POU3F3: variants seen among roughly 807,000 people sequenced by gnomAD.
POU3F3 encodes the protein POU domain, class 3, transcription factor 3.
A neutral mutation model predicts 8.6 loss-of-function variants in POU3F3; 1 was observed. The observed-to-expected ratio is 0.12, with a 90% CI of 0.04 to 0.55. The LOEUF is 0.55. POU3F3 is among the 20% of genes least tolerant of loss of function. The probability of loss-of-function intolerance (pLI) is 0.91; values close to 1 mark genes in which losing one functional copy is unlikely to be tolerated. For synonymous variants in POU3F3, 418 were observed against 327.4 expected (o/e 1.28, Z -2.99); for missense variants, 577 against 690.7 (o/e 0.84, Z 1.84).
the POU3F3 span, among the ~76,000 whole-genome samples, chr2:104,896,350 G>T: frequency 6.6e-6 from 1 of 152,158 alleles, no homozygotes; most frequent in African/African-American, 2.4e-5. Context: ...TCCAAAGGAC[G>T]TGGACTTGAG....
At chr2:104,883,500 A>G in the POU3F3 span, among the ~76,000 whole-genome samples, 1 of 152,156 alleles carries the variant, frequency 6.6e-6, no homozygotes, top group Non-Finnish European at 1.5e-5. Flanking sequence ...TCTGTGCACA[A>G]TGTGCTATCA....
chr2:104,902,084 C>G, the POU3F3 span, among the ~76,000 whole-genome samples: 1 of 152,094 alleles, frequency 6.6e-6, no homozygotes, highest in Admixed American at 6.6e-5. Flanking sequence ...CCCTCTTTCT[C>G]TCCTCCAACC....
chr2:104,894,307 T>C, the POU3F3 span, among the ~76,000 whole-genome samples: 6 of 152,244 alleles, frequency 3.9e-5, no homozygotes, highest in African/African-American at 1.2e-4. Context: ...TTTAATCTAA[T>C]AGTCTGACTT....
the POU3F3 span, among the ~76,000 whole-genome samples, chr2:104,896,022 C>A: frequency 6.6e-6 from 1 of 152,172 alleles, no homozygotes; most frequent in Non-Finnish European, 1.5e-5. Context: ...CACACAAGGG[C>A]TCGGTAGCTG....
the POU3F3 span, among the ~76,000 whole-genome samples, chr2:104,888,202 G>A: frequency 6.6e-6 from 1 of 152,202 alleles, no homozygotes; most frequent in Non-Finnish European, 1.5e-5. Context: ...GTGCGAAATG[G>A]ACATATTTTT....
chr2:104,920,304 C>T, the POU3F3 span, among the ~76,000 whole-genome samples: 13 of 152,302 alleles, frequency 8.5e-5, no homozygotes, highest in South Asian at 4.1e-4. Flanking sequence ...CGTGAGCCAC[C>T]GTGCCCAGCC....
the POU3F3 span, among the ~76,000 whole-genome samples, chr2:104,910,017 C>T: frequency 6.6e-6 from 1 of 152,104 alleles, no homozygotes; most frequent in Non-Finnish European, 1.5e-5. Flanking sequence ...AAAAAACGTC[C>T]AACCAAGCAC....
the POU3F3 span, among the ~76,000 whole-genome samples, chr2:104,869,162 C>A: frequency 1.3e-5 from 2 of 152,172 alleles, no homozygotes; most frequent in African/African-American, 4.8e-5. Context: ...TGGCTGCTAG[C>A]GAGAGACCTT....
At chr2:104,912,452 T>TC in the POU3F3 span, among the ~76,000 whole-genome samples, 2 of 151,914 alleles carry the variant, frequency 1.3e-5, no homozygotes, top group East Asian at 2.0e-4. Flanking sequence ...CTATGTGGTG[T>TC]GGGGGGCCCC....
At chr2:104,912,897 C>T in the POU3F3 span, among the ~76,000 whole-genome samples, 35 of 152,324 alleles carry the variant, frequency 2.3e-4, no homozygotes, top group African/African-American at 7.5e-4. Context: ...TCTGGGTTTG[C>T]TTCAGACAGA....
chr2:104,889,488 C>T, the POU3F3 span, among the ~76,000 whole-genome samples: 5 of 152,186 alleles, frequency 3.3e-5, no homozygotes, highest in African/African-American at 7.2e-5. Context: ...GGTTCTGCCA[C>T]GGAGCCCCTC....
chr2:104,927,473 G>A, the POU3F3 span, among the ~76,000 whole-genome samples: 1 of 152,030 alleles, frequency 6.6e-6, no homozygotes, highest in African/African-American at 2.4e-5. Context: ...TTAAAAAATG[G>A]GTCAGGTGCA....
At position 104,857,186 on chromosome 2, in the gene POU3F3, C is replaced by G. The variant is rs1228768364; in HGVS notation, c.*173C>G. On this transcript the variant is annotated 3_prime_UTR_variant, in exon 1 of 1. Coordinates refer to ENST00000361360, the MANE Select transcript of POU3F3 (RefSeq NM_006236.3). ...AGCCCAGGCCCATCCGCCGCCCTCC[C>G]CTCCACCCAGAGACAGGCATGCCCG... is the stretch of plus-strand genomic sequence containing the variant. 1 of 706,186 alleles carries G rather than the reference C, an allele frequency of 1.4e-6. No homozygotes were observed. Among genetic ancestry groups the G allele is most frequent in the African/African-American group, 1.9e-5 (1 of 51,530 alleles). 43.7% of individuals were successfully genotyped at this position (706,186 alleles called of 1,614,324 possible).
chr2:104,883,894 T>G, the POU3F3 span, among the ~76,000 whole-genome samples: 1 of 152,216 alleles, frequency 6.6e-6, no homozygotes, highest in South Asian at 2.1e-4. Context: ...CTTCTCAGAA[T>G]GGCTGAGCTT....
At chr2:104,886,505 T>A in the POU3F3 span, among the ~76,000 whole-genome samples, 1 of 152,064 alleles carries the variant, frequency 6.6e-6, no homozygotes, top group Non-Finnish European at 1.5e-5. Flanking sequence ...GAAAATCACA[T>A]AACTGTTACA....
At chr2:104,893,622 C>T in the POU3F3 span, among the ~76,000 whole-genome samples, 1 of 152,202 alleles carries the variant, frequency 6.6e-6, no homozygotes, top group East Asian at 1.9e-4. Context: ...TGGCTCACAC[C>T]TGTAATCCCA....
the POU3F3 span, among the ~76,000 whole-genome samples, chr2:104,900,112 C>T: frequency 2.0e-5 from 3 of 152,166 alleles, no homozygotes; most frequent in East Asian, 5.8e-4. Context: ...TGAAAATGGG[C>T]AGAGCAGCAG....
chr2:104,870,745 T>C, the POU3F3 span, among the ~76,000 whole-genome samples: 2 of 152,138 alleles, frequency 1.3e-5, no homozygotes, highest in Non-Finnish European at 2.9e-5. Flanking sequence ...ATTTATTCCC[T>C]TCCTCCCTCC....
At chr2:104,874,979 A>G in the POU3F3 span, among the ~76,000 whole-genome samples, 1 of 152,182 alleles carries the variant, frequency 6.6e-6, no homozygotes, top group Admixed American at 6.5e-5. Flanking sequence ...TCATTAAGTA[A>G]TAATTATAAT....
Sources: allele counts gnomAD v4.1 joint callset (sites outside exome capture counted in the v4.1 genomes callset), GRCh38; gene constraint gnomAD v4.1.1; transcripts MANE v1.5; gene names NCBI Gene and HGNC (gene_info 2026-07-23, HGNC 2026-07-21).